CDC25B: variants seen among roughly 807,000 people sequenced by gnomAD.
CDC25B encodes the protein M-phase inducer phosphatase 2.
CDC25B carries 33 observed loss-of-function variants against 69.8 expected under a neutral mutation model. The ratio of observed to expected loss-of-function variants is 0.47; its 90% CI spans 0.36 to 0.63. The LOEUF (loss-of-function observed/expected upper bound fraction) is 0.63, where lower values mean the gene tolerates loss of function less well. Among genes scored for constraint, CDC25B ranks in the 30% least tolerant of loss-of-function variants. The probability of loss-of-function intolerance (pLI) is 0.00; values close to 1 mark genes in which losing one functional copy is unlikely to be tolerated. For missense variants in CDC25B, 727 were observed against 809.1 expected (o/e 0.90, Z 1.23); for synonymous variants, 341 against 314.6 (o/e 1.08, Z -0.89).
chr20:3,796,425 C>CCA lies in CDC25B; in HGVS notation c.-106_-105insAC, dbSNP rs1555773176. On this transcript the variant is annotated 5_prime_UTR_variant, in exon 1 of 16. Coordinates refer to ENST00000245960, the MANE Select transcript of CDC25B (RefSeq NM_021873.4). ...TCTTCCTCCCTCCCTCCTTCCCCCC[C>CCA]CCCCCACCCCTCGCCCGCTGCCTCC... 62 of 193,062 alleles carry CCA rather than the reference C, an allele frequency of 3.2e-4. 2 individuals carry two copies. The highest frequency in any genetic ancestry group is 1.0e-4 in the Non-Finnish European group (11 of 109,346). The allele number at this position is 193,062 out of a possible 1,614,324, so 12.0% of individuals were successfully genotyped here. A position where few individuals can be genotyped will look rare whatever the true frequency, so the allele number is the denominator to read the frequency against.
At position 3,800,786 on chromosome 20, in the gene CDC25B, A is replaced by G. The variant is rs752711886; in HGVS notation, c.503A>G (p.Asn168Ser). The change falls in exon 6 of 16, where the codon AAC becomes AGC. Residue 168 changes from asparagine to serine, a missense_variant. Around this residue, in one of 2 missense-constraint regions of CDC25B, gnomAD observed 368 missense variants for 345.6 expected, o/e 1.06. Coordinates refer to ENST00000245960, the MANE Select transcript of CDC25B (RefSeq NM_021873.4). ...AGCCCCGTGCTTCGGAACATCACCA[A>G]CTCCCAGGCGCCCGACGGCCGGAGG... is the stretch of plus-strand genomic sequence containing the variant. The part of the protein sequence containing the change: ...GHSPVLRNIT[N>S]SQAPDGRRKS... 6.2e-7 allele frequency: 1 copy of G among 1,612,130 alleles called. No individual in the cohort carries two copies. Among genetic ancestry groups the G allele is most frequent in the Non-Finnish European group, 8.5e-7 (1 of 1,180,014 alleles).
In CDC25B at chr20:3,802,196, T is replaced by C; in HGVS notation, c.1099-85T>C. On this transcript the variant is annotated intron_variant, in intron 10 of 15. Transcript: ENST00000245960. Reference sequence around the variant, plus strand: ...CAGAGGGCAGGTGGCAGCCTGGGCATGGCAGAGAAAGGGGGTACCAGCCAG... The same window carrying C: ...CAGAGGGCAGGTGGCAGCCTGGGCACGGCAGAGAAAGGGGGTACCAGCCAG... 2.2e-5 allele frequency: 34 copies of C among 1,557,642 alleles called. No homozygotes were observed. In the South Asian group the frequency reaches 3.9e-4, roughly 18 times the overall value.
intron 2 of CDC25B, 44 bp from the exon 3 acceptor site, chr20:3,798,368 A>C (rs2146676178): frequency 8.6e-7 from 1 of 1,162,012 alleles, no homozygotes; most frequent in East Asian, 2.8e-5. Flanking sequence ...GAAAGAATAC[A>C]GAAAGTGCCA....
In CDC25B at chr20:3,798,463, C is replaced by T. The variant is rs370155414; in HGVS notation, c.380C>T (p.Thr127Met). ...SPMDPHMAEQ[T>M]FEQAIQAASR... is the part of the protein sequence containing the mutation. ...ATGGACCCCCACATGGCGGAGCAGACGTGAGTAGAGAAGGGAATGTGTACT... is the reference window on the plus strand; with the variant it reads ...ATGGACCCCCACATGGCGGAGCAGATGTGAGTAGAGAAGGGAATGTGTACT... Residue 127 changes from threonine (T) to methionine (M), a missense_variant and splice_region_variant, in exon 3 of 16, where the codon ACG becomes ATG. Thr to Met is a moderately conservative substitution (Grantham distance 81). Around this residue, in one of 2 missense-constraint regions of CDC25B, gnomAD observed 368 missense variants for 345.6 expected, o/e 1.06. Coordinates refer to ENST00000245960, the MANE Select transcript of CDC25B (RefSeq NM_021873.4). 49 of 1,595,482 alleles carry T rather than the reference C, an allele frequency of 3.1e-5. No homozygotes were observed. Among genetic ancestry groups the T allele is most frequent in the East Asian group, 2.5e-4 (11 of 43,706 alleles).
intron 8 of CDC25B, 75 bp downstream of exon 8, chr20:3,801,463 T>C: frequency 1.3e-6 from 2 of 1,490,482 alleles, no homozygotes; most frequent in East Asian, 2.3e-5. Flanking sequence ...CTCTGAGCCC[T>C]TGTGGCAGGA....
At position 3,803,163 on chromosome 20, in the gene CDC25B, T is replaced by C. The variant is rs1303192290; in HGVS notation, c.1313T>C (p.Val438Ala). 4 of 1,613,982 alleles carry C rather than the reference T, an allele frequency of 2.5e-6. No homozygotes were observed. Among genetic ancestry groups the C allele is most frequent in the South Asian group, 2.2e-5 (2 of 91,066 alleles). The change falls in exon 13 of 16, where the codon GTA becomes GCA. Residue 438 changes from valine to alanine, a missense_variant. By Grantham distance (64) the Val-to-Ala change is moderately conservative. Around this residue, in one of 2 missense-constraint regions of CDC25B, gnomAD observed 359 missense variants for 463.4 expected, o/e 0.77. Coordinates refer to ENST00000245960, the MANE Select transcript of CDC25B (RefSeq NM_021873.4). This position sits in a 1 kb window ranked among gnomAD's most constrained non-coding sequence, Gnocchi z 4.9. ...FSNIVDKFVI[V>A]DCRYPYEYEG... ...AACATCGTGGATAAGTTTGTGATTGTAGACTGCAGATACCCCTATGAATAT... is the reference window on the plus strand; with the variant it reads ...AACATCGTGGATAAGTTTGTGATTGCAGACTGCAGATACCCCTATGAATAT...
chr20:3,806,043 G>C lies in CDC25B; in HGVS notation c.*1082G>C, dbSNP rs1484827545. 2.5e-6 allele frequency: 1 copy of C among 397,964 alleles called. No individual in the cohort carries two copies. Among genetic ancestry groups the C allele is most frequent in the African/African-American group, 2.1e-5 (1 of 48,632 alleles). 24.7% of individuals were successfully genotyped at this position (397,964 alleles called of 1,614,324 possible). Reference sequence around the variant, plus strand: ...ATTCTGAATCTCAAGATGGGGGCAGGGCTGTGCTTGAAGGCCCTGCTGAGT... The same window carrying C: ...ATTCTGAATCTCAAGATGGGGGCAGCGCTGTGCTTGAAGGCCCTGCTGAGT... On this transcript the variant is annotated 3_prime_UTR_variant, in exon 16 of 16. Transcript: ENST00000245960.
Position 3,797,741 on chromosome 20 carries a change from C to A in CDC25B, c.320C>A (p.Ser107Tyr). ...SSLSSESSES[S>Y]DAGLCMDSPS... ...CTGTCGTCTGAATCCTCCGAATCTTCTGATGCAGGTGAGGCCCAGGGGAGC... is the reference window on the plus strand; with the variant it reads ...CTGTCGTCTGAATCCTCCGAATCTTATGATGCAGGTGAGGCCCAGGGGAGC... Residue 107 changes from serine (S) to tyrosine (Y), a missense_variant, in exon 2 of 16, where the codon TCT becomes TAT. Ser to Tyr is a moderately radical substitution (Grantham distance 144). Coordinates refer to ENST00000245960, the MANE Select transcript of CDC25B (RefSeq NM_021873.4). 1 of 1,614,018 alleles carries A rather than the reference C, an allele frequency of 6.2e-7. No homozygotes were observed. The highest frequency in any genetic ancestry group is 8.5e-7 in the Non-Finnish European group (1 of 1,180,028).
At chr20:3,802,504 CT>C (rs1240156849) in intron 11 of CDC25B, 128 bp downstream of exon 11, 3 of 648,350 alleles carry the variant, frequency 4.6e-6, no homozygotes, top group Non-Finnish European at 8.1e-6. Flanking sequence ...TCCTTTGTAT[CT>C]TTTCATCCTT....
chr20:3,802,391 G>A lies in CDC25B; in HGVS notation c.1194+15G>A, dbSNP rs1440327522. On this transcript the variant is annotated intron_variant, in intron 11 of 15. Transcript: ENST00000245960. ...ATTACTCTAAGGTACCTGCAGCAGC[G>A]AAGGGGGTACCTTGGGGGCTTGACC... is the stretch of plus-strand genomic sequence containing the variant. 13 of 1,581,986 alleles carry A rather than the reference G, an allele frequency of 8.2e-6. No individual in the cohort carries two copies. In the African/African-American group the frequency reaches 9.4e-5, roughly 11 times the overall value.
At chr20:3,793,636 A>G (rs1209492176), upstream of CDC25B, among the ~76,000 whole-genome samples, 1 of 148,752 alleles carries the variant, frequency 6.7e-6, no homozygotes, top group African/African-American at 2.5e-5. Context: ...TTTAGGGTAC[A>G]TGTGCACAAT....
Position 3,803,046 on chromosome 20 carries a change from C to T in CDC25B, c.1258-62C>T, listed in dbSNP as rs1393335202. On this transcript the variant is annotated intron_variant, in intron 12 of 15. Transcript: ENST00000245960. The surrounding 1 kb of genome is among the most constrained non-coding windows in gnomAD (Gnocchi z 4.9). ...ATTGTTGACCTTCCCTGGGGACAGG[C>T]TAGGGCCACCTGCCAGCTGCCAGCC... 1.3e-6 allele frequency: 2 copies of T among 1,589,068 alleles called. No individual in the cohort carries two copies. Among genetic ancestry groups the T allele is most frequent in the Admixed American group, 1.7e-5 (1 of 59,934 alleles).
chr20:3,789,953 C>T (rs2146648596), intron 1 of CDC25B, among the ~76,000 whole-genome samples: 1 of 151,400 alleles, frequency 6.6e-6, no homozygotes, highest in East Asian at 2.0e-4. Flanking sequence ...CGCGCCACTG[C>T]ACTCCAGCCT....
At chr20:3,801,662 C>A in intron 8 of CDC25B, 60 bp from the exon 9 acceptor site, 5 of 1,351,574 alleles carry the variant, frequency 3.7e-6, no homozygotes, top group Non-Finnish European at 4.1e-6. Flanking sequence ...GATTCCGGGA[C>A]TGGAGGGGTT....
chr20:3,800,904 A>G (rs1408619744), intron 6 of CDC25B, 39 bp downstream of exon 6: 4 of 1,612,994 alleles, frequency 2.5e-6, no homozygotes, highest in Non-Finnish European at 1.7e-6. Context: ...CTCTCCGGGA[A>G]GAGGAGGGGG....
In CDC25B at chr20:3,806,050, C is replaced by T. The variant is rs1208159535; in HGVS notation, c.*1089C>T. The T allele has an allele frequency of 1.0e-5, 4 of 397,922 alleles. No homozygotes were observed. Among genetic ancestry groups the T allele is most frequent in the African/African-American group, 6.2e-5 (3 of 48,756 alleles). 24.6% of individuals were successfully genotyped at this position (397,922 alleles called of 1,614,324 possible). A position where few individuals can be genotyped will look rare whatever the true frequency, so the allele number is the denominator to read the frequency against. On this transcript the variant is annotated 3_prime_UTR_variant, in exon 16 of 16. Coordinates refer to ENST00000245960, the MANE Select transcript of CDC25B (RefSeq NM_021873.4). ...ATCTCAAGATGGGGGCAGGGCTGTG[C>T]TTGAAGGCCCTGCTGAGTCATCTGT...
At chr20:3,791,511 AGT>A (rs2088914902), upstream of CDC25B, among the ~76,000 whole-genome samples, 1 of 152,108 alleles carries the variant, frequency 6.6e-6, no homozygotes. Context: ...GACAAAACCC[AGT>A]CTCTCCAAAA....
chr20:3,797,082 G>A (rs1452074424), intron 1 of CDC25B, among the ~76,000 whole-genome samples: 2 of 152,210 alleles, frequency 1.3e-5, no homozygotes, highest in Non-Finnish European at 1.5e-5. Flanking sequence ...CAAGCCTGGA[G>A]AGGGAACTTA....
chr20:3,789,110 C>G (rs904755819), intron 1 of CDC25B, among the ~76,000 whole-genome samples: 3 of 152,218 alleles, frequency 2.0e-5, no homozygotes, highest in African/African-American at 7.2e-5. Flanking sequence ...CCGGGCTTCC[C>G]CACCTCTTTC....
Sources: gnomAD v4.1 joint callset for allele counts (sites outside exome capture counted in the v4.1 genomes callset) on GRCh38, gnomAD v4.1.1 for gene constraint, gnomAD v4.1.1 regional missense constraint, Gnocchi (gnomAD v3.1) non-coding constraint, MANE v1.5 for transcripts, NCBI Gene and HGNC (gene_info 2026-07-23, HGNC 2026-07-21) for gene names.